TCF4: variants seen among roughly 807,000 people sequenced by gnomAD.
TCF4 encodes the protein SL3-3 enhancer factor 2.
In TCF4, 3 loss-of-function variants were observed where a neutral mutation model predicts 82.1. The ratio of observed to expected loss-of-function variants is 0.04; its 90% CI spans 0.02 to 0.09. The LOEUF is 0.09. TCF4 is among the 10% of genes least tolerant of loss of function. The pLI, the probability that TCF4 is intolerant of heterozygous loss-of-function variation, is 1.00. For synonymous variants in TCF4, 276 were observed against 309.6 expected, an observed-to-expected ratio of 0.89 and a Z score of 1.14; for missense variants, 518 against 852.7, an observed-to-expected ratio of 0.61 and a Z score of 4.89.
chr18:55,455,179 C>CAAAAAAAAAAA (rs35889370), intron 5 of TCF4, among the ~76,000 whole-genome samples: 200 of 67,164 alleles, frequency 3.0e-3, no homozygotes, highest in Non-Finnish European at 3.7e-3. Context: ...GACTCTGTCT[C>CAAAAAAAAAAA]AAAAAAAAAA....
At position 55,283,272 on chromosome 18, in the gene TCF4, C is replaced by T. The variant is rs79206125; in HGVS notation, c.550-3616G>A. 6.6e-5 allele frequency among the ~76,000 whole-genome samples: 10 copies of T among 150,836 alleles called. No individual in the cohort carries two copies. In the East Asian group the frequency reaches 1.7e-3, roughly 26 times the overall value. Reference sequence around the variant, plus strand: ...TCAATGTTTCCAACTATTATTTCTGCACTCATCAAAGAAAAAAAAATTTAA... The same window carrying T: ...TCAATGTTTCCAACTATTATTTCTGTACTCATCAAAGAAAAAAAAATTTAA... On this transcript the variant is annotated intron_variant, in intron 8 of 19. Coordinates refer to ENST00000354452, the MANE Select transcript of TCF4 (RefSeq NM_001083962.2).
chr18:55,303,411 T>C (rs2069055088), intron 8 of TCF4, among the ~76,000 whole-genome samples: 1 of 152,182 alleles, frequency 6.6e-6, no homozygotes, highest in African/African-American at 2.4e-5. Flanking sequence ...TTTAAACTTT[T>C]GCCTTCGTGT....
In TCF4 at chr18:55,350,859, A is replaced by G. The variant is rs999011718; in HGVS notation, c.499+15T>C. The G allele has an allele frequency of 6.2e-7, 1 of 1,613,120 alleles. No individual in the cohort carries two copies. Among genetic ancestry groups the G allele is most frequent in the African/African-American group, 1.3e-5 (1 of 74,980 alleles). On this transcript the variant is annotated intron_variant, in intron 7 of 19. Transcript: ENST00000354452. ...ATAATCATCCCTCAGGCATTCAAAC[A>G]AAGGAATACCTTACCCATGGCACTA...
At chr18:55,249,467 T>C (rs1050819012) in intron 15 of TCF4, among the ~76,000 whole-genome samples, 4 of 152,104 alleles carry the variant, frequency 2.6e-5, no homozygotes, top group Non-Finnish European at 4.4e-5. Flanking sequence ...TGGGGTGAGT[T>C]GCACATGACT....
At chr18:55,523,246 G>C (rs1181006508) in intron 3 of TCF4, among the ~76,000 whole-genome samples, 1 of 151,914 alleles carries the variant, frequency 6.6e-6, no homozygotes, top group Non-Finnish European at 1.5e-5. Context: ...ACATAAGAGT[G>C]AAATAATTTA....
Position 55,276,276 on chromosome 18 carries a change from C to T in TCF4, c.656-524G>A, listed in dbSNP as rs961917376. Among the ~76,000 whole-genome samples, 7 of 152,216 alleles carry T rather than the reference C, an allele frequency of 4.6e-5. No homozygotes were observed. The South Asian group carries it at 6.2e-4, about 14-fold the overall frequency. On this transcript the variant is annotated intron_variant, in intron 9 of 19. Transcript: ENST00000354452. ...AGTTGGAATTATAATTATATTACGGCATGCAGAGAAGATGAATCTCAAATA... is the reference window on the plus strand; with the variant it reads ...AGTTGGAATTATAATTATATTACGGTATGCAGAGAAGATGAATCTCAAATA...
At chr18:55,318,083 C>T (rs571157367) in intron 8 of TCF4, among the ~76,000 whole-genome samples, 1 of 152,194 alleles carries the variant, frequency 6.6e-6, no homozygotes, top group South Asian at 2.1e-4. Flanking sequence ...CACATGCTGG[C>T]GAGAGCTGAT....
At chr18:55,440,316 G>C (rs778576367) in intron 5 of TCF4, among the ~76,000 whole-genome samples, 15 of 152,116 alleles carry the variant, frequency 9.9e-5, no homozygotes, top group Non-Finnish European at 1.5e-5. Flanking sequence ...CTCACTTCTT[G>C]AAGATTTTTA....
chr18:55,270,006 G>A, intron 10 of TCF4, 43 bp from the exon 11 acceptor site: 1 of 1,610,222 alleles, frequency 6.2e-7, no homozygotes, highest in Non-Finnish European at 8.5e-7. Flanking sequence ...TTAATCATAA[G>A]GTATTTAGTG....
At chr18:55,451,018 A>G (rs1000500749) in intron 5 of TCF4, among the ~76,000 whole-genome samples, 5 of 152,204 alleles carry the variant, frequency 3.3e-5, no homozygotes, top group Admixed American at 3.3e-4. Context: ...GCTGTCCCCA[A>G]AGAGGTACTT....
chr18:55,289,023 A>C (rs531991850), intron 8 of TCF4, among the ~76,000 whole-genome samples: 97 of 152,346 alleles, frequency 6.4e-4, no homozygotes, highest in African/African-American at 2.2e-3. Flanking sequence ...GCAATAACTG[A>C]GCAGACACTC....
intron 8 of TCF4, among the ~76,000 whole-genome samples, chr18:55,293,246 A>C (rs1352538628): frequency 6.6e-6 from 1 of 152,194 alleles, no homozygotes; most frequent in Admixed American, 6.5e-5. Context: ...ATTCTAGTAG[A>C]GAGGACAAGA....
At chr18:55,348,561 T>C (rs1463380532) in intron 8 of TCF4, among the ~76,000 whole-genome samples, 2 of 152,174 alleles carry the variant, frequency 1.3e-5, no homozygotes, top group African/African-American at 4.8e-5. Flanking sequence ...CAGCAACACC[T>C]AAATTGTCTT....
At chr18:55,280,761 C>A (rs564558157) in intron 8 of TCF4, among the ~76,000 whole-genome samples, 11 of 152,046 alleles carry the variant, frequency 7.2e-5, no homozygotes, top group African/African-American at 2.4e-4. Flanking sequence ...TGCAGGGTTA[C>A]CAAAAAATAA....
chr18:55,583,532 TG>T (rs1178112498), intron 3 of TCF4, among the ~76,000 whole-genome samples: 1 of 152,170 alleles, frequency 6.6e-6, no homozygotes, highest in African/African-American at 2.4e-5. Flanking sequence ...GACATACAGT[TG>T]TCTTTTTAAA....
intron 5 of TCF4, among the ~76,000 whole-genome samples, chr18:55,428,468 T>TAC (rs2095069995): frequency 6.6e-6 from 1 of 152,222 alleles, no homozygotes; most frequent in South Asian, 2.1e-4. Flanking sequence ...TTCAACTGTC[T>TAC]ACTTCATGTC....
At chr18:55,291,131 C>T (rs2065000581) in intron 8 of TCF4, among the ~76,000 whole-genome samples, 1 of 152,106 alleles carries the variant, frequency 6.6e-6, no homozygotes, top group Admixed American at 6.5e-5. Context: ...GGGTTAAGTG[C>T]CTTCCTTTTC....
intron 8 of TCF4, among the ~76,000 whole-genome samples, chr18:55,318,017 A>G (rs1032754494): frequency 1.3e-5 from 2 of 152,126 alleles, no homozygotes; most frequent in Non-Finnish European, 1.5e-5. Context: ...TTGTTAGTAT[A>G]AAGCAAAAAG....
chr18:55,479,945 T>C (rs1250844674), intron 3 of TCF4, among the ~76,000 whole-genome samples: 2 of 152,184 alleles, frequency 1.3e-5, no homozygotes, highest in Non-Finnish European at 2.9e-5. Context: ...AACTGGTCTT[T>C]GAACTATCCT....
Sources: allele counts gnomAD v4.1 joint callset (sites outside exome capture counted in the v4.1 genomes callset), GRCh38; gene constraint gnomAD v4.1.1; transcripts MANE v1.5; gene names NCBI Gene and HGNC (gene_info 2026-07-23, HGNC 2026-07-21).